Variants in NSD1 observed in about 807,000 individuals in gnomAD.
The protein encoded by NSD1 is nuclear receptor binding SET domain protein 1, also known as histone-lysine N-methyltransferase, H3 lysine-36 specific.
Under a neutral mutation model 242.7 loss-of-function variants are expected in NSD1, and 26 were observed. The ratio of observed to expected loss-of-function variants is 0.11; its 90% CI spans 0.08 to 0.15. NSD1 has a LOEUF of 0.15. Ranked by LOEUF, NSD1 falls within the 10% of genes least tolerant of loss-of-function variation. NSD1 has a pLI of 1.00. For synonymous variants in NSD1, 1,106 were observed against 1,178.1 expected, an observed-to-expected ratio of 0.94 and a Z score of 1.25; for missense variants, 2,495 against 3,272.8, an observed-to-expected ratio of 0.76 and a Z score of 5.80.
At chr5:177,138,474 T>A (rs1167996056) in intron 2 of NSD1, among the ~76,000 whole-genome samples, 1 of 152,170 alleles carries the variant, frequency 6.6e-6, no homozygotes, top group Non-Finnish European at 1.5e-5. Context: ...CAGGCTGGTC[T>A]TGAACTCCTG....
intron 6 of NSD1, 38 bp downstream of exon 6, chr5:177,235,983 T>G (rs1431527115): frequency 6.2e-7 from 1 of 1,609,966 alleles, no homozygotes; most frequent in Non-Finnish European, 8.5e-7. Flanking sequence ...CACTGGTCCT[T>G]AGGAAACTGC....
chr5:177,295,147 C>T lies in NSD1; in HGVS notation c.7779C>T (p.Ala2593=), dbSNP rs398124388. The part of the protein sequence containing the change: ...MVGGQQLPAL[A]AKSGQSFRSL... ...GAGGCCAGCAACTACCTGCACTTGC[C>T]GCCAAGAGTGGGCAATCTTTTAGGT... Residue 2593 remains alanine (A), a synonymous_variant, in exon 23 of 23, where the codon GCC becomes GCT. Transcript: ENST00000439151. The surrounding 1 kb of genome is among the most constrained non-coding windows in gnomAD (Gnocchi z 4.3). The T allele has an allele frequency of 3.2e-5, 51 of 1,613,980 alleles. No homozygotes were observed. The highest frequency in any genetic ancestry group is 1.1e-4 in the East Asian group (5 of 44,898).
At chr5:177,133,519 C>T (rs902589913), upstream of NSD1, 3 of 151,294 alleles carry the variant, frequency 2.0e-5, no homozygotes, top group African/African-American at 4.8e-5. This position sits in a 1 kb window ranked among gnomAD's most constrained non-coding sequence, Gnocchi z 6.2. Context: ...CGGGCCGGCC[C>T]GTAGGCCCCG....
chr5:177,153,186 T>C (rs1182694966), intron 2 of NSD1, among the ~76,000 whole-genome samples: 1 of 151,234 alleles, frequency 6.6e-6, no homozygotes, highest in East Asian at 1.9e-4. Flanking sequence ...TTCATAGTAA[T>C]GTCTGTGGAA....
At chr5:177,149,218 T>C (rs983512782) in intron 2 of NSD1, among the ~76,000 whole-genome samples, 1 of 150,980 alleles carries the variant, frequency 6.6e-6, no homozygotes, top group Non-Finnish European at 1.5e-5. Context: ...CATCTCATTA[T>C]GTTTTGTTTT....
intron 17 of NSD1, among the ~76,000 whole-genome samples, chr5:177,274,805 C>T (rs1758232443): frequency 1.3e-5 from 2 of 151,998 alleles, no homozygotes; most frequent in African/African-American, 4.8e-5. Flanking sequence ...GCAATCTTGG[C>T]TCACTGCAAC....
chr5:177,250,062 G>T (rs1026455818), intron 11 of NSD1, among the ~76,000 whole-genome samples: 13 of 152,128 alleles, frequency 8.5e-5, no homozygotes, highest in Non-Finnish European at 1.5e-4. Context: ...CTCCCACCTG[G>T]GTGACTGAGA....
intron 17 of NSD1, among the ~76,000 whole-genome samples, chr5:177,278,840 G>T (rs1356015782): frequency 6.6e-6 from 1 of 152,130 alleles, no homozygotes; most frequent in Non-Finnish European, 1.5e-5. Context: ...GAAATGAGGG[G>T]AGATACATTC....
chr5:177,140,757 T>C (rs1756741109), intron 2 of NSD1, among the ~76,000 whole-genome samples: 1 of 152,092 alleles, frequency 6.6e-6, no homozygotes, highest in South Asian at 2.1e-4. Flanking sequence ...GGGAGAAAAT[T>C]GGCAGCTTTT....
chr5:177,158,061 A>G (rs1459088516), intron 2 of NSD1, among the ~76,000 whole-genome samples: 1 of 152,144 alleles, frequency 6.6e-6, no homozygotes, highest in Non-Finnish European at 1.5e-5. Flanking sequence ...TACTGTGAAA[A>G]TTTGTATTAA....
In NSD1 at chr5:177,158,998, T is replaced by TTATATATATATATATATA. The variant is rs10564918; in HGVS notation, c.927+22978_927+22995dup. The stretch of plus-strand genomic sequence containing the variant: ...TATACACACATATATATGAATGATT[T>TTATATATATATATATATA]TATATATATATATATATATATATAT... On this transcript the variant is annotated intron_variant, in intron 2 of 22. Coordinates refer to ENST00000439151, the MANE Select transcript of NSD1 (RefSeq NM_022455.5). 3.8e-4 allele frequency among the ~76,000 whole-genome samples: 46 copies of TTATATATATATATATATA among 122,580 alleles called. 1 individual carries two copies. The highest frequency in any genetic ancestry group is 1.6e-3 in the African/African-American group (43 of 26,300). The allele number at this position is 122,580 out of a possible 152,430, so 80.4% of individuals were successfully genotyped here.
chr5:177,265,926 C>T (rs1379597195), intron 14 of NSD1: 5 of 1,403,406 alleles, frequency 3.6e-6, no homozygotes, highest in Non-Finnish European at 5.1e-6. Context: ...GTGTAGATGT[C>T]TACCTCCTTT....
chr5:177,254,979 A>G (rs940561371), intron 12 of NSD1, among the ~76,000 whole-genome samples: 2 of 151,960 alleles, frequency 1.3e-5, no homozygotes, highest in African/African-American at 2.4e-5. Context: ...GGCTCACCCT[A>G]TTTTCCTGCA....
At chr5:177,185,994 AT>A (rs1196568994) in intron 2 of NSD1, among the ~76,000 whole-genome samples, 2 of 97,676 alleles carry the variant, frequency 2.0e-5, no homozygotes, top group East Asian at 5.4e-4. Flanking sequence ...TATATTTTAT[AT>A]TATATAATTT....
chr5:177,251,508 G>A (rs1439782933), intron 11 of NSD1, among the ~76,000 whole-genome samples: 1 of 152,168 alleles, frequency 6.6e-6, no homozygotes, highest in East Asian at 1.9e-4. Flanking sequence ...AGTCAGAACA[G>A]TCTTTTTAAA....
At chr5:177,172,230 A>C (rs1759772174) in intron 2 of NSD1, among the ~76,000 whole-genome samples, 1 of 152,044 alleles carries the variant, frequency 6.6e-6, no homozygotes, top group South Asian at 2.1e-4. Context: ...TGGATCCTGG[A>C]TGTGGTAGTT....
At chr5:177,287,290 A>C (rs191148124) in intron 20 of NSD1, among the ~76,000 whole-genome samples, 2 of 152,386 alleles carry the variant, frequency 1.3e-5, no homozygotes, top group Non-Finnish European at 1.5e-5. Context: ...GTTGTATTAT[A>C]AGCACATCGT....
At chr5:177,140,541 C>T (rs1016611116) in intron 2 of NSD1, among the ~76,000 whole-genome samples, 4 of 151,944 alleles carry the variant, frequency 2.6e-5, no homozygotes, top group Admixed American at 6.6e-5. Context: ...ACTTAAGAAT[C>T]GGCCCAGTGG....
chr5:177,246,400 C>T (rs1766297474), intron 9 of NSD1, among the ~76,000 whole-genome samples: 1 of 152,166 alleles, frequency 6.6e-6, no homozygotes. Context: ...TGAAGAACTA[C>T]AAGATTTGTC....
Sources: gnomAD v4.1 joint callset for allele counts (sites outside exome capture counted in the v4.1 genomes callset) on GRCh38, gnomAD v4.1.1 for gene constraint, Gnocchi (gnomAD v3.1) non-coding constraint, MANE v1.5 for transcripts, NCBI Gene and HGNC (gene_info 2026-07-23, HGNC 2026-07-21) for gene names.